The following ZBBX variants were observed in gnomAD, a reference collection of about 807,000 sequenced individuals.
The protein encoded by ZBBX is zinc finger B-box domain-containing protein 1.
A neutral mutation model predicts 108.5 loss-of-function variants in ZBBX; 101 were observed. The observed-to-expected ratio is 0.93, with a 90% CI of 0.79 to 1.10. ZBBX has a LOEUF of 1.10. Ranked by LOEUF, ZBBX falls within the 50% of genes least tolerant of loss-of-function variation. The pLI is 0.00. For synonymous variants in ZBBX, 356 were observed against 323.4 expected (o/e 1.10, Z -1.08); for missense variants, 1,009 against 941.4 (o/e 1.07, Z -0.94).
intron 20 of ZBBX, among the ~76,000 whole-genome samples, chr3:167,248,828 G>C (rs1167581151): frequency 6.6e-6 from 1 of 152,210 alleles, no homozygotes; most frequent in Non-Finnish European, 1.5e-5. Context: ...GGGGGCAAAG[G>C]TGAGGGTGGT....
At chr3:167,237,618 T>G (rs952801004), downstream of ZBBX, among the ~76,000 whole-genome samples, 1 of 151,948 alleles carries the variant, frequency 6.6e-6, no homozygotes, top group Admixed American at 6.6e-5. Context: ...TACTTAGTTT[T>G]TATTTCCTCA....
chr3:167,352,885 T>C (rs1247239918), intron 8 of ZBBX, among the ~76,000 whole-genome samples: 1 of 152,062 alleles, frequency 6.6e-6, no homozygotes, highest in East Asian at 1.9e-4. Flanking sequence ...ATATCATATC[T>C]CATTAGATGC....
chr3:167,395,673 C>T (rs1297543973), intron 1 of ZBBX, among the ~76,000 whole-genome samples: 1 of 151,984 alleles, frequency 6.6e-6, no homozygotes, highest in Non-Finnish European at 1.5e-5. Flanking sequence ...GTGATGCATT[C>T]TCACTTCCAA....
chr3:167,348,342 A>AAG (rs1741954817), intron 9 of ZBBX, among the ~76,000 whole-genome samples: 2 of 109,788 alleles, frequency 1.8e-5, no homozygotes, highest in Non-Finnish European at 3.6e-5. Flanking sequence ...GAAAGAAAGA[A>AAG]AGAAAGAAAG....
intron 6 of ZBBX, among the ~76,000 whole-genome samples, chr3:167,361,224 T>C (rs1489159576): frequency 1.3e-5 from 2 of 152,082 alleles, no homozygotes; most frequent in Admixed American, 6.6e-5. Context: ...CCTTCAAAAG[T>C]ATTATTTGTG....
rs191255471 is a variant in ZBBX, at chr3:167,291,454, T to A, written c.1880-2471A>T. Among the ~76,000 whole-genome samples, 166 of 152,214 alleles carry A rather than the reference T, an allele frequency of 1.1e-3. 1 individual carries two copies. The highest frequency in any genetic ancestry group is 3.8e-3 in the African/African-American group (159 of 41,530). ...CCCAGAATTTTACATCCAGCCAAACTAAGCTTCATAAGCAAAAGAGAAATA... is the reference window on the plus strand; with the variant it reads ...CCCAGAATTTTACATCCAGCCAAACAAAGCTTCATAAGCAAAAGAGAAATA... On this transcript the variant is annotated intron_variant, in intron 18 of 21. Coordinates refer to ENST00000675490, the MANE Select transcript of ZBBX (RefSeq NM_001199201.2).
intron 19 of ZBBX, among the ~76,000 whole-genome samples, chr3:167,282,787 CA>C (rs1729042840): frequency 6.6e-6 from 1 of 152,090 alleles, no homozygotes; most frequent in Admixed American, 6.5e-5. Context: ...TAAACTAAGT[CA>C]ACTTTGTAGA....
At chr3:167,384,721 A>G (rs535757897), upstream of ZBBX, among the ~76,000 whole-genome samples, 18 of 152,172 alleles carry the variant, frequency 1.2e-4, no homozygotes, top group Admixed American at 6.5e-4. Context: ...TATAAAACCC[A>G]TATGTGACCT....
At chr3:167,183,915 A>G in the ZBBX span, among the ~76,000 whole-genome samples, 1 of 152,202 alleles carries the variant, frequency 6.6e-6, no homozygotes, top group Admixed American at 6.5e-5. Context: ...CAAAAAAGGA[A>G]AAGTCTGAGG....
chr3:167,239,610 TATAAC>T (rs1720381850), downstream of ZBBX, among the ~76,000 whole-genome samples: 1 of 152,148 alleles, frequency 6.6e-6, no homozygotes, highest in African/African-American at 2.4e-5. Flanking sequence ...ATATAATACA[TATAAC>T]ATACAAAATA....
At chr3:167,372,582 C>T (rs1412752195) in intron 4 of ZBBX, among the ~76,000 whole-genome samples, 3 of 152,166 alleles carry the variant, frequency 2.0e-5, no homozygotes, top group Admixed American at 1.3e-4. Context: ...ATATGTTTAA[C>T]ATTCTGTTGT....
chr3:167,347,527 T>A (rs1741686882), intron 9 of ZBBX, among the ~76,000 whole-genome samples: 1 of 151,942 alleles, frequency 6.6e-6, no homozygotes, highest in African/African-American at 2.4e-5. Flanking sequence ...AGAATCCAAA[T>A]TTTTTTTAAA....
the ZBBX span, among the ~76,000 whole-genome samples, chr3:167,194,507 A>T: frequency 5.9e-5 from 9 of 152,138 alleles, no homozygotes; most frequent in Non-Finnish European, 1.0e-4. Context: ...TAGTGTTTTG[A>T]TCTTGGACTC....
At chr3:167,235,226 A>G (rs1720184459), downstream of ZBBX, among the ~76,000 whole-genome samples, 1 of 151,874 alleles carries the variant, frequency 6.6e-6, no homozygotes, top group African/African-American at 2.4e-5. Flanking sequence ...GGAGAAAGTA[A>G]ACATGATAAA....
At chr3:167,309,273 G>A (rs1373174069) in intron 16 of ZBBX, among the ~76,000 whole-genome samples, 3 of 152,150 alleles carry the variant, frequency 2.0e-5, no homozygotes, top group Non-Finnish European at 4.4e-5. Context: ...CTTGCATGGT[G>A]CAAGCTGTCA....
chr3:167,179,703 G>T, the ZBBX span, among the ~76,000 whole-genome samples: 1 of 152,178 alleles, frequency 6.6e-6, no homozygotes, highest in East Asian at 1.9e-4. Flanking sequence ...GAAGTATAGG[G>T]CATCTGGAAA....
At chr3:167,210,195 CAA>C in the ZBBX span, among the ~76,000 whole-genome samples, 1 of 151,790 alleles carries the variant, frequency 6.6e-6, no homozygotes, top group Non-Finnish European at 1.5e-5. Context: ...ATAAATTTAA[CAA>C]AGAGATTGAA....
intron 1 of ZBBX, among the ~76,000 whole-genome samples, chr3:167,386,002 C>G (rs572324785): frequency 6.6e-6 from 1 of 152,072 alleles, no homozygotes. Flanking sequence ...GTGACCCAAC[C>G]TACCCTTGTA....
At chr3:167,200,944 A>C in the ZBBX span, among the ~76,000 whole-genome samples, 1 of 152,130 alleles carries the variant, frequency 6.6e-6, no homozygotes. Context: ...GGAAATATGA[A>C]ATTGCTGATA....
Sources: allele counts gnomAD v4.1 joint callset (sites outside exome capture counted in the v4.1 genomes callset), GRCh38; gene constraint gnomAD v4.1.1; transcripts MANE v1.5; gene names NCBI Gene and HGNC (gene_info 2026-07-23, HGNC 2026-07-21).